Variants in BMP6 observed in about 807,000 individuals in gnomAD.
BMP6 encodes the protein VG-1-R.
In BMP6, 17 loss-of-function variants were observed where a neutral mutation model predicts 54.1. That is an observed-to-expected ratio of 0.31 (90% CI 0.22 to 0.47). The LOEUF (loss-of-function observed/expected upper bound fraction) is 0.47. Among genes scored for constraint, BMP6 ranks in the 20% least tolerant of loss-of-function variants. BMP6 has a pLI of 1.00. For synonymous variants in BMP6, 328 were observed against 291.2 expected, an observed-to-expected ratio of 1.13 and a Z score of -1.28; for missense variants, 720 against 690.4, an observed-to-expected ratio of 1.04 and a Z score of -0.48.
chr6:7,835,305 G>T (rs1273671447), intron 1 of BMP6, among the ~76,000 whole-genome samples: 1 of 152,156 alleles, frequency 6.6e-6, no homozygotes, highest in African/African-American at 2.4e-5. Context: ...TGTATTTTTA[G>T]TAGAGATGGG....
At chr6:7,735,966 G>A (rs373978899) in intron 1 of BMP6, among the ~76,000 whole-genome samples, 3 of 152,154 alleles carry the variant, frequency 2.0e-5, no homozygotes, top group Non-Finnish European at 2.9e-5. Flanking sequence ...CGCAGAGTTC[G>A]GGGAAAGAAT....
chr6:7,741,267 G>T (rs1757247723), intron 1 of BMP6, among the ~76,000 whole-genome samples: 1 of 152,064 alleles, frequency 6.6e-6, no homozygotes, highest in Non-Finnish European at 1.5e-5. Context: ...ATGCAGAGAG[G>T]CATGGAGCAG....
chr6:7,836,276 T>C (rs775949711), intron 1 of BMP6, among the ~76,000 whole-genome samples: 1 of 152,180 alleles, frequency 6.6e-6, no homozygotes, highest in South Asian at 2.1e-4. Flanking sequence ...TAAAGCTCTT[T>C]ACGATACATG....
chr6:7,788,249 T>G (rs1446168316), intron 1 of BMP6, among the ~76,000 whole-genome samples: 2 of 152,204 alleles, frequency 1.3e-5, no homozygotes, highest in African/African-American at 4.8e-5. Flanking sequence ...TAGTAATTAT[T>G]TGAGGGCATT....
intron 1 of BMP6, among the ~76,000 whole-genome samples, chr6:7,817,724 T>TA (rs886941239): frequency 2.2e-4 from 33 of 150,656 alleles, no homozygotes; most frequent in South Asian, 4.2e-4. Context: ...AAAGTATAAT[T>TA]AAAAAAAAAA....
chr6:7,727,669 G>A (rs887745952), intron 1 of BMP6, 50 bp downstream of exon 1: 1 of 1,457,990 alleles, frequency 6.9e-7, no homozygotes, highest in African/African-American at 1.5e-5. Context: ...CCTTTTCAGT[G>A]TCCCGGGCCC....
In BMP6 at chr6:7,843,855, G is replaced by A. The variant is rs766171466; in HGVS notation, c.665-1285G>A. On this transcript the variant is annotated intron_variant, in intron 1 of 6. Coordinates refer to ENST00000283147, the MANE Select transcript of BMP6 (RefSeq NM_001718.6). Reference sequence around the variant, plus strand: ...TGCAATTTCTCATTTGTCTTCATGCGGGAAAAAGATTTTATTTTAAAAACG... The same window carrying A: ...TGCAATTTCTCATTTGTCTTCATGCAGGAAAAAGATTTTATTTTAAAAACG... Among the ~76,000 whole-genome samples, 75 of 152,174 alleles carry A rather than the reference G, an allele frequency of 4.9e-4. 1 individual carries two copies. The highest frequency in any genetic ancestry group is 1.4e-3 in the African/African-American group (59 of 41,494).
chr6:7,828,351 C>T (rs1005061656), intron 1 of BMP6, among the ~76,000 whole-genome samples: 1 of 152,206 alleles, frequency 6.6e-6, no homozygotes, highest in African/African-American at 2.4e-5. Context: ...AGGAATGGCC[C>T]TGTTCTGTTT....
At chr6:7,807,959 T>C (rs944481468) in intron 1 of BMP6, among the ~76,000 whole-genome samples, 19 of 147,522 alleles carry the variant, frequency 1.3e-4, no homozygotes, top group Non-Finnish European at 2.2e-4. Context: ...CTTGCTCTGT[T>C]GCCCAGGCTG....
intron 1 of BMP6, among the ~76,000 whole-genome samples, chr6:7,733,239 G>A (rs1188156047): frequency 6.6e-6 from 1 of 152,092 alleles, no homozygotes; most frequent in East Asian, 1.9e-4. Context: ...GCACAACGTC[G>A]TTACAGTTTT....
At chr6:7,823,132 TGCAGTTACCACCACGACACG>T (rs1758641446) in intron 1 of BMP6, among the ~76,000 whole-genome samples, 1 of 152,184 alleles carries the variant, frequency 6.6e-6, no homozygotes, top group Admixed American at 6.5e-5. Flanking sequence ...GTTGGGGGAT[TGCAGTTACCACCACGACACG>T]TCCCAAACAT....
At chr6:7,873,333 A>G (rs1231807740) in intron 4 of BMP6, among the ~76,000 whole-genome samples, 1 of 152,170 alleles carries the variant, frequency 6.6e-6, no homozygotes, top group African/African-American at 2.4e-5. Flanking sequence ...ACTTACAATC[A>G]TAGGTTTATT....
chr6:7,770,129 A>G (rs938700736), intron 1 of BMP6, among the ~76,000 whole-genome samples: 1 of 151,724 alleles, frequency 6.6e-6, no homozygotes, highest in African/African-American at 2.4e-5. Flanking sequence ...TGTAAACTTC[A>G]AGAATGAGCT....
At chr6:7,813,149 A>AT (rs1333428977) in intron 1 of BMP6, among the ~76,000 whole-genome samples, 54 of 107,844 alleles carry the variant, frequency 5.0e-4, no homozygotes, top group African/African-American at 1.7e-3. Context: ...ATATATATAT[A>AT]AAATTAGTGG....
intron 1 of BMP6, among the ~76,000 whole-genome samples, chr6:7,750,781 T>A (rs1468667200): frequency 6.6e-6 from 1 of 152,222 alleles, no homozygotes; most frequent in Admixed American, 6.5e-5. Flanking sequence ...TTATTTCTTT[T>A]TAAGTCAGGT....
chr6:7,821,887 G>A (rs267809), intron 1 of BMP6, among the ~76,000 whole-genome samples: 56,443 of 152,154 alleles, frequency 0.37, 11,407 homozygotes, highest in East Asian at 0.73. Context: ...TTGGCTGTTC[G>A]GAATGTGAAG....
intron 2 of BMP6, among the ~76,000 whole-genome samples, chr6:7,847,437 T>C (rs1297358305): frequency 6.6e-6 from 1 of 152,220 alleles, no homozygotes; most frequent in Non-Finnish European, 1.5e-5. Context: ...GCTGCAGGAC[T>C]CCTTTCGGGG....
chr6:7,739,356 C>T (rs1762008069), intron 1 of BMP6, among the ~76,000 whole-genome samples: 1 of 152,186 alleles, frequency 6.6e-6, no homozygotes, highest in Middle Eastern at 3.2e-3. Context: ...TCCCTATGCT[C>T]ATCCTTCTCC....
chr6:7,778,602 C>A (rs879292158), intron 1 of BMP6, among the ~76,000 whole-genome samples: 1 of 152,110 alleles, frequency 6.6e-6, no homozygotes, highest in East Asian at 1.9e-4. Context: ...TTTCAAAAAC[C>A]GAGGCACAGG....
Sources: allele counts gnomAD v4.1 joint callset (sites outside exome capture counted in the v4.1 genomes callset), GRCh38; gene constraint gnomAD v4.1.1; transcripts MANE v1.5; gene names NCBI Gene and HGNC (gene_info 2026-07-23, HGNC 2026-07-21).